Variants in TGM1 observed in about 807,000 individuals in gnomAD.
The protein encoded by TGM1 is protein-glutamine gamma-glutamyltransferase K.
TGM1 carries 63 observed loss-of-function variants against 88.7 expected under a neutral mutation model. That is an observed-to-expected ratio of 0.71 (90% CI 0.58 to 0.88). TGM1 has a LOEUF of 0.88. Ranked by LOEUF, TGM1 falls within the 40% of genes least tolerant of loss-of-function variation. TGM1 has a pLI of 0.00. For missense variants in TGM1, 996 were observed against 1,118.0 expected, an observed-to-expected ratio of 0.89 and a Z score of 1.56; for synonymous variants, 415 against 431.1, an observed-to-expected ratio of 0.96 and a Z score of 0.46.
In TGM1 at chr14:24,259,042, C is replaced by T; in HGVS notation, c.1159+33G>A. On this transcript the variant is annotated intron_variant, in intron 7 of 14. Coordinates refer to ENST00000206765, the MANE Select transcript of TGM1 (RefSeq NM_000359.3). The surrounding 1 kb of genome is among the most constrained non-coding windows in gnomAD (Gnocchi z 5.7). Reference sequence around the variant, plus strand: ...GCTTTCCTCCCTTCTCCCTGTAGGGCCCGGGCCACTCCTGTCCCAGTCCCT... The same window carrying T: ...GCTTTCCTCCCTTCTCCCTGTAGGGTCCGGGCCACTCCTGTCCCAGTCCCT... 1 of 1,612,242 alleles carries T rather than the reference C, an allele frequency of 6.2e-7. No individual in the cohort carries two copies. The highest frequency in any genetic ancestry group is 8.5e-7 in the Non-Finnish European group (1 of 1,179,320).
At chr14:24,257,248 G>A (rs2040759774) in intron 9 of TGM1, among the ~76,000 whole-genome samples, 1 of 152,212 alleles carries the variant, frequency 6.6e-6, no homozygotes, top group South Asian at 2.1e-4. Context: ...GGCTAGGGAG[G>A]ACTCTCTGAC....
At chr14:24,256,369 G>A (rs150021302) in intron 9 of TGM1, among the ~76,000 whole-genome samples, 2 of 152,330 alleles carry the variant, frequency 1.3e-5, no homozygotes, top group African/African-American at 2.4e-5. Context: ...ACAGATGTGC[G>A]GACCAGCCTG....
rs2040810239 is a variant in TGM1 at position 24,261,708 on chromosome 14, A to G, written c.495T>C (p.Leu165=). ...AGCCCCACTGACCGATGAGTAACTC[A>G]AGGGTGATGCGATCAGAGGATTCAT... ...RTYESSDRIT[L]ELLIGNNPEV... is the part of the protein sequence containing the mutation. The change falls in exon 3 of 15, where the codon CTT becomes CTC. Residue 165 remains leucine (L), a synonymous_variant. Transcript: ENST00000206765. 3.1e-6 allele frequency: 5 copies of G among 1,614,072 alleles called. No individual in the cohort carries two copies. The highest frequency in any genetic ancestry group is 3.3e-4 in the Middle Eastern group (2 of 6,062).
chr14:24,257,052 C>T (rs1453275875), intron 9 of TGM1, among the ~76,000 whole-genome samples: 1 of 152,236 alleles, frequency 6.6e-6, no homozygotes, highest in Admixed American at 6.5e-5. Context: ...CTGGCTGGCC[C>T]TGAGCCCCCT....
chr14:24,254,692 C>G lies in TGM1; in HGVS notation c.2060G>C (p.Arg687Pro). ...GQVLAKQHTFRLRTPDLSLTL... is the reference protein window; with the variant it reads ...GQVLAKQHTFPLRTPDLSLTL... ...GAGGGAGAGGTCTGGGGTGCGCAGA[C>G]GGAAGGTGTGCTGCTTGGCCAGCAC... Residue 687 changes from arginine (R) to proline (P), a missense_variant, in exon 13 of 15, where the codon CGT (arginine) becomes CCT (proline). Physicochemically the swap from Arg to Pro is moderately radical, Grantham distance 103. Transcript: ENST00000206765. 1 of 1,613,986 alleles carries G rather than the reference C, an allele frequency of 6.2e-7. No homozygotes were observed. Among genetic ancestry groups the G allele is most frequent in the Non-Finnish European group, 8.5e-7 (1 of 1,180,042 alleles).
In TGM1 at chr14:24,261,691, T is replaced by A; in HGVS notation, c.508+4A>T. 6.2e-7 allele frequency: 1 copy of A among 1,614,026 alleles called. No homozygotes were observed. On this transcript the variant is annotated splice_donor_region_variant and intron_variant, in intron 3 of 14. Transcript: ENST00000206765. ...TCACCCGTCCCAATCCAAGCCCCAC[T>A]GACCGATGAGTAACTCAAGGGTGAT...
rs551998429 is a variant in TGM1, at chr14:24,253,176, A to G, written c.2225+976T>C. On this transcript the variant is annotated intron_variant, in intron 14 of 14. Transcript: ENST00000206765. Reference sequence around the variant, plus strand: ...TTTGCCCCCTACGAGCTGTGAGACCATATGAGATGTGACCGCCAGCTTCCC... The same window carrying G: ...TTTGCCCCCTACGAGCTGTGAGACCGTATGAGATGTGACCGCCAGCTTCCC... Among the ~76,000 whole-genome samples the G allele has an allele frequency of 2.6e-5, 4 of 152,336 alleles. No homozygotes were observed. The South Asian group carries it at 6.2e-4, about 24-fold the overall frequency.
chr14:24,257,839 T>C (rs1401284443), intron 9 of TGM1, among the ~76,000 whole-genome samples: 1 of 152,242 alleles, frequency 6.6e-6, no homozygotes, highest in Admixed American at 6.5e-5. Context: ...TGAGAGAGAA[T>C]AGGGAAGCTT....
At chr14:24,250,179 T>TGAGAGAGAGAGA (rs1555305392) in intron 14 of TGM1, among the ~76,000 whole-genome samples, 8 of 140,804 alleles carry the variant, frequency 5.7e-5, no homozygotes, top group African/African-American at 2.2e-4. Context: ...TGTGTGTGTG[T>TGAGAGAGAGAGA]GAGAGAGACA....
Position 24,260,716 on chromosome 14 carries a change from C to T in TGM1, c.509-18G>A. 1 of 1,614,046 alleles carries T rather than the reference C, an allele frequency of 6.2e-7. No individual in the cohort carries two copies. ...GTTGTTTCCTAGAGTAGGAAATCAG[C>T]AATTAGCTGGCAAGGCCTCCCTGAG... On this transcript the variant is annotated intron_variant, in intron 3 of 14. Coordinates refer to ENST00000206765, the MANE Select transcript of TGM1 (RefSeq NM_000359.3).
intron 14 of TGM1, among the ~76,000 whole-genome samples, chr14:24,251,882 AC>A (rs1298026111): frequency 6.6e-6 from 1 of 152,162 alleles, no homozygotes; most frequent in Non-Finnish European, 1.5e-5. Context: ...AGTCAAATCT[AC>A]CCCTAAGAAG....
At chr14:24,253,121 A>G (rs138334264) in intron 14 of TGM1, among the ~76,000 whole-genome samples, 72 of 152,346 alleles carry the variant, frequency 4.7e-4, no homozygotes, top group African/African-American at 1.1e-3. Context: ...GAGCCTGTGC[A>G]TGGTATGCAC....
chr14:24,249,429 C>T lies in TGM1; in HGVS notation c.2338G>A (p.Gly780Ser), dbSNP rs959567912. 16 of 1,613,986 alleles carry T rather than the reference C, an allele frequency of 9.9e-6. No homozygotes were observed. Among genetic ancestry groups the T allele is most frequent in the East Asian group, 4.5e-5 (2 of 44,876 alleles). The change falls in exon 15 of 15, where the codon GGT becomes AGT. Residue 780 changes from glycine to serine, a missense_variant. Physicochemically the swap from Gly to Ser is moderately conservative, Grantham distance 56. Coordinates refer to ENST00000206765, the MANE Select transcript of TGM1 (RefSeq NM_000359.3). ...GGGGCCACATCCACCTGGATGACAC[C>T]GTGCACCTGGGAGAGCTGTGGGCTG... ...LDSPQLSQVHGVIQVDVAPAP... is the reference protein window; with the variant it reads ...LDSPQLSQVHSVIQVDVAPAP...
Position 24,255,886 on chromosome 14 carries a change from G to T in TGM1, c.1491+103C>A. 1 of 889,032 alleles carries T rather than the reference G, an allele frequency of 1.1e-6. No individual in the cohort carries two copies. The highest frequency in any genetic ancestry group is 1.8e-6 in the Non-Finnish European group (1 of 570,090). 55.1% of individuals were successfully genotyped at this position (889,032 alleles called of 1,614,324 possible). The stretch of plus-strand genomic sequence containing the variant: ...AGGTGAGGAAACTGACTTGTATAAT[G>T]AGTGACTTGCCCCGGGTCGCAGAGC... On this transcript the variant is annotated intron_variant, in intron 10 of 14. Transcript: ENST00000206765. This position sits in a 1 kb window ranked among gnomAD's most constrained non-coding sequence, Gnocchi z 4.0.
Position 24,260,026 on chromosome 14 carries a change from G to A in TGM1, c.790C>T (p.Arg264Trp), listed in dbSNP as rs201868387. 42 of 1,613,998 alleles carry A rather than the reference G, an allele frequency of 2.6e-5. No individual in the cohort carries two copies. Among genetic ancestry groups the A allele is most frequent in the Middle Eastern group, 1.6e-4 (1 of 6,084 alleles). The change falls in exon 5 of 15, where the codon CGG becomes TGG. Residue 264 changes from arginine (R) to tryptophan (W), a missense_variant. Physicochemically the swap from Arg to Trp is moderately radical, Grantham distance 101 (BLOSUM62 -3). Coordinates refer to ENST00000206765, the MANE Select transcript of TGM1 (RefSeq NM_000359.3). ...DIVYVDHEDW[R>W]QEYVLNESGR... ...GACTCATTAAGAACATACTCCTGCC[G>A]CCAATCCTCATGGTCCACGTACACA... is the stretch of plus-strand genomic sequence containing the variant.
chr14:24,250,179 T>TGTGA (rs138497842), intron 14 of TGM1, among the ~76,000 whole-genome samples: 52 of 140,804 alleles, frequency 3.7e-4, no homozygotes, highest in African/African-American at 1.1e-3. Flanking sequence ...TGTGTGTGTG[T>TGTGA]GAGAGAGACA....
At chr14:24,256,615 G>A (rs1455483286) in intron 9 of TGM1, among the ~76,000 whole-genome samples, 2 of 152,196 alleles carry the variant, frequency 1.3e-5, no homozygotes, top group East Asian at 1.9e-4. Context: ...GGGAGCTGGT[G>A]GGAAATAGAG....
chr14:24,254,423 G>T, intron 13 of TGM1, 135 bp from the exon 14 acceptor site: 2 of 1,399,884 alleles, frequency 1.4e-6, no homozygotes, highest in African/African-American at 1.4e-5. Context: ...CCTGAGAGAA[G>T]ATTCCCCAGA....
chr14:24,260,814 G>C, intron 3 of TGM1, 116 bp from the exon 4 acceptor site: 1 of 1,382,290 alleles, frequency 7.2e-7, no homozygotes, highest in Non-Finnish European at 1.0e-6. Context: ...ATGTCCCTAC[G>C]TTGGGCCATC....
Sources: allele counts gnomAD v4.1 joint callset (sites outside exome capture counted in the v4.1 genomes callset), GRCh38; gene constraint gnomAD v4.1.1; non-coding constraint Gnocchi (gnomAD v3.1); transcripts MANE v1.5; gene names NCBI Gene and HGNC (gene_info 2026-07-23, HGNC 2026-07-21).